Variants in ADGRL2 observed in about 807,000 individuals in gnomAD.
The protein encoded by ADGRL2 is adhesion G protein-coupled receptor L2.
In ADGRL2, 44 loss-of-function variants were observed where a neutral mutation model predicts 157.4. That is an observed-to-expected ratio of 0.28 (90% CI 0.22 to 0.36). The LOEUF (loss-of-function observed/expected upper bound fraction) is 0.36. Ranked by LOEUF, ADGRL2 falls within the 10% of genes least tolerant of loss-of-function variation. ADGRL2 has a pLI of 1.00. For synonymous variants in ADGRL2, 585 were observed against 624.7 expected, an observed-to-expected ratio of 0.94 and a Z score of 0.95; for missense variants, 1,510 against 1,768.9, an observed-to-expected ratio of 0.85 and a Z score of 2.63.
rs555607939 is a variant in ADGRL2, at chr1:81,467,378, C to T, written c.-248+22289C>T. On this transcript the variant is annotated intron_variant, in intron 2 of 24. Coordinates refer to the ADGRL2 transcript ENST00000370721. ...ACTAGCATCCAACTAAATCTCGTCC[C>T]CCTCTTTAAAAAAGACAGGGAGGAA... is the stretch of plus-strand genomic sequence containing the variant. 1.5e-3 allele frequency among the ~76,000 whole-genome samples: 232 copies of T among 152,166 alleles called. 3 individuals carry two copies. The highest frequency in any genetic ancestry group is 5.3e-3 in the African/African-American group (221 of 41,524).
intron 3 of ADGRL2, among the ~76,000 whole-genome samples, chr1:81,623,949 G>C (rs775186898): frequency 1.3e-5 from 2 of 151,954 alleles, no homozygotes; most frequent in Non-Finnish European, 2.9e-5. Context: ...TCTTTCTAAG[G>C]TGGGGACTGA....
At chr1:81,871,867 C>G (rs552265420) in intron 2 of ADGRL2, among the ~76,000 whole-genome samples, 16 of 152,188 alleles carry the variant, frequency 1.1e-4, no homozygotes, top group Admixed American at 6.5e-4. Flanking sequence ...AAAATTTTCT[C>G]CCATTCTGTA....
At chr1:81,628,021 G>A (rs1314113730) in intron 3 of ADGRL2, among the ~76,000 whole-genome samples, 1 of 152,096 alleles carries the variant, frequency 6.6e-6, no homozygotes, top group Non-Finnish European at 1.5e-5. Flanking sequence ...GCCAATCACA[G>A]CATTTTTTGG....
chr1:81,987,043 A>T lies in ADGRL2; in HGVS notation c.3637+14A>T. 2 of 1,607,468 alleles carry T rather than the reference A, an allele frequency of 1.2e-6. No individual in the cohort carries two copies. Among genetic ancestry groups the T allele is most frequent in the Non-Finnish European group, 1.7e-6 (2 of 1,177,974 alleles). ...TTAACTCACCAGGTGTGCTTTACTT[A>T]CAAATAAAACTACCTTTCTTTGCTG... is the stretch of plus-strand genomic sequence containing the variant. On this transcript the variant is annotated intron_variant, in intron 22 of 23. Transcript: ENST00000686636.
intron 2 of ADGRL2, among the ~76,000 whole-genome samples, chr1:81,467,046 TAAA>T (rs550364036): frequency 7.7e-6 from 1 of 130,632 alleles, no homozygotes. Flanking sequence ...AAGCTACAGT[TAAA>T]AAAAAAAAAA....
At chr1:81,325,349 T>A (rs1660822986) in intron 1 of ADGRL2, among the ~76,000 whole-genome samples, 1 of 152,220 alleles carries the variant, frequency 6.6e-6, no homozygotes, top group African/African-American at 2.4e-5. Context: ...ATGTCTGCAC[T>A]GTGTGTAACA....
At chr1:81,374,941 C>A (rs1471937346) in intron 1 of ADGRL2, among the ~76,000 whole-genome samples, 1 of 152,148 alleles carries the variant, frequency 6.6e-6, no homozygotes, top group East Asian at 1.9e-4. Flanking sequence ...TCCAGGATGG[C>A]CCTCCTTTGT....
At chr1:81,503,041 G>C in intron 2 of ADGRL2, 1 of 1,611,484 alleles carries the variant, frequency 6.2e-7, no homozygotes, top group South Asian at 1.1e-5. Flanking sequence ...TACTCGGACC[G>C]CCGCACTGGA....
intron 3 of ADGRL2, among the ~76,000 whole-genome samples, chr1:81,928,082 G>T (rs922001706): frequency 3.3e-5 from 5 of 151,874 alleles, no homozygotes; most frequent in African/African-American, 1.2e-4. Flanking sequence ...ATTTGCATTG[G>T]TGCCTACCTA....
At chr1:81,767,789 T>C (rs1000649288) in intron 2 of ADGRL2, among the ~76,000 whole-genome samples, 3 of 144,252 alleles carry the variant, frequency 2.1e-5, no homozygotes. Flanking sequence ...AGAGGGACAA[T>C]GGAGGCTGCA....
At chr1:81,789,578 T>C (rs1386313068) in intron 2 of ADGRL2, among the ~76,000 whole-genome samples, 1 of 151,416 alleles carries the variant, frequency 6.6e-6, no homozygotes, top group East Asian at 1.9e-4. Flanking sequence ...ACACAAAAAT[T>C]AGCTGTGTGT....
chr1:81,442,169 A>G (rs997059708), intron 1 of ADGRL2, among the ~76,000 whole-genome samples: 3 of 152,184 alleles, frequency 2.0e-5, no homozygotes, highest in Non-Finnish European at 4.4e-5. Flanking sequence ...AAATATTGAA[A>G]ATTCCTTGAA....
At chr1:81,607,225 T>C (rs1353755519) in intron 3 of ADGRL2, among the ~76,000 whole-genome samples, 1 of 152,180 alleles carries the variant, frequency 6.6e-6, no homozygotes, top group Non-Finnish European at 1.5e-5. Flanking sequence ...CAACATTGGG[T>C]ATCAAACACA....
At chr1:81,709,050 C>G (rs991169211) in intron 1 of ADGRL2, among the ~76,000 whole-genome samples, 2 of 152,022 alleles carry the variant, frequency 1.3e-5, no homozygotes, top group African/African-American at 4.8e-5. Flanking sequence ...TATAGTTCAT[C>G]GAATCTAAGA....
At chr1:81,811,165 C>T (rs918060483) in intron 1 of ADGRL2, among the ~76,000 whole-genome samples, 1 of 151,878 alleles carries the variant, frequency 6.6e-6, no homozygotes, top group African/African-American at 2.4e-5. Context: ...ACAAAAAACA[C>T]TGCTGATTTG....
At chr1:81,644,618 G>A (rs1325283600) in intron 3 of ADGRL2, among the ~76,000 whole-genome samples, 1 of 152,140 alleles carries the variant, frequency 6.6e-6, no homozygotes, top group East Asian at 1.9e-4. Flanking sequence ...TATGAAAGAT[G>A]TTCCATGTCA....
intron 2 of ADGRL2, among the ~76,000 whole-genome samples, chr1:81,522,979 T>C (rs983362847): frequency 1.3e-5 from 2 of 152,254 alleles, no homozygotes; most frequent in Non-Finnish European, 2.9e-5. Context: ...ACTATGTAAT[T>C]CAAGAACTGT....
chr1:81,815,356 G>A (rs2149738459), intron 1 of ADGRL2, among the ~76,000 whole-genome samples: 1 of 151,908 alleles, frequency 6.6e-6, no homozygotes, highest in Middle Eastern at 3.4e-3. Context: ...GCATCATGCT[G>A]TGTTATCTCT....
chr1:81,428,429 G>T (rs938133499), intron 1 of ADGRL2, among the ~76,000 whole-genome samples: 5 of 152,144 alleles, frequency 3.3e-5, no homozygotes, highest in African/African-American at 4.8e-5. Context: ...CTCCCTGAAG[G>T]TTCAAGAATT....
Sources: gnomAD v4.1 joint callset for allele counts (sites outside exome capture counted in the v4.1 genomes callset) on GRCh38, gnomAD v4.1.1 for gene constraint, MANE v1.5 for transcripts, NCBI Gene and HGNC (gene_info 2026-07-23, HGNC 2026-07-21) for gene names.